Variants in RAD51B observed in about 807,000 individuals in gnomAD.
The protein encoded by RAD51B is DNA repair protein RAD51 homolog 2.
Under a neutral mutation model 42.2 loss-of-function variants are expected in RAD51B, and 38 were observed. That is an observed-to-expected ratio of 0.90 (90% CI 0.70 to 1.18). The LOEUF is 1.18. RAD51B is among the 50% of genes most tolerant of loss of function. The pLI, the probability that RAD51B is intolerant of heterozygous loss-of-function variation, is 0.00. For synonymous variants in RAD51B, 154 were observed against 145.2 expected (o/e 1.06, Z -0.43); for missense variants, 373 against 400.7 (o/e 0.93, Z 0.59).
chr14:67,987,880 T>G (rs1018672654), intron 7 of RAD51B, among the ~76,000 whole-genome samples: 1 of 152,190 alleles, frequency 6.6e-6, no homozygotes, highest in Non-Finnish European at 1.5e-5. Flanking sequence ...GCCAGTGTGG[T>G]TCAGCCAAAG....
chr14:68,631,492 C>T lies in RAD51B; in HGVS notation c.1037-19289C>T, dbSNP rs557984721. Reference sequence around the variant, plus strand: ...TGGGGAGTCACTACAGCTCGGAAGCCGGGGACAGGCCTTTAGTTAATGTGC... The same window carrying T: ...TGGGGAGTCACTACAGCTCGGAAGCTGGGGACAGGCCTTTAGTTAATGTGC... On this transcript the variant is annotated intron_variant, in intron 10 of 11. Coordinates refer to the RAD51B transcript ENST00000488612. Among the ~76,000 whole-genome samples, 4 of 152,140 alleles carry T rather than the reference C, an allele frequency of 2.6e-5. No individual in the cohort carries two copies. In the South Asian group the frequency reaches 6.2e-4, roughly 24 times the overall value.
intron 4 of RAD51B, among the ~76,000 whole-genome samples, chr14:67,861,426 T>C (rs1316873694): frequency 6.6e-6 from 1 of 151,010 alleles, no homozygotes; most frequent in African/African-American, 2.4e-5. Flanking sequence ...ATGGCTTGAG[T>C]CCTGGAGTTC....
At chr14:67,853,054 G>C (rs1001268992) in intron 4 of RAD51B, among the ~76,000 whole-genome samples, 8 of 152,180 alleles carry the variant, frequency 5.3e-5, no homozygotes, top group Non-Finnish European at 1.0e-4. Flanking sequence ...ACCCAAGAAG[G>C]ACTCAGGATG....
intron 7 of RAD51B, among the ~76,000 whole-genome samples, chr14:68,021,606 T>C (rs1419012374): frequency 4.6e-5 from 7 of 152,146 alleles, no homozygotes. Flanking sequence ...TTGACATTTG[T>C]CCCCCAACTC....
intron 8 of RAD51B, among the ~76,000 whole-genome samples, chr14:68,330,939 T>C (rs1179082609): frequency 6.6e-6 from 1 of 152,146 alleles, no homozygotes; most frequent in East Asian, 1.9e-4. Flanking sequence ...TGTGGCATAT[T>C]TCCTACTGCA....
chr14:68,503,333 C>G (rs942027183), intron 10 of RAD51B, among the ~76,000 whole-genome samples: 5 of 152,102 alleles, frequency 3.3e-5, no homozygotes, highest in Admixed American at 6.5e-5. Context: ...GTTTAACCGG[C>G]TGACATTCTT....
At chr14:68,620,806 A>G (rs887570007) in intron 10 of RAD51B, among the ~76,000 whole-genome samples, 2 of 152,178 alleles carry the variant, frequency 1.3e-5, no homozygotes, top group Non-Finnish European at 2.9e-5. Flanking sequence ...CTGGGATGGG[A>G]TTTGGAAAAA....
chr14:68,195,213 C>G (rs552975290), intron 7 of RAD51B, among the ~76,000 whole-genome samples: 1 of 152,158 alleles, frequency 6.6e-6, no homozygotes, highest in African/African-American at 2.4e-5. Flanking sequence ...CATCTTTACT[C>G]ATTTGTTCAC....
intron 7 of RAD51B, among the ~76,000 whole-genome samples, chr14:68,268,104 G>A (rs1356649814): frequency 6.6e-6 from 1 of 152,190 alleles, no homozygotes; most frequent in South Asian, 2.1e-4. Flanking sequence ...TCCTTGAGCA[G>A]CAGGAAGAGA....
chr14:67,920,762 A>C (rs1039499991), intron 7 of RAD51B, among the ~76,000 whole-genome samples: 1 of 152,168 alleles, frequency 6.6e-6, no homozygotes, highest in African/African-American at 2.4e-5. Flanking sequence ...TTAGGGCATC[A>C]TTCCCACCCT....
intron 10 of RAD51B, among the ~76,000 whole-genome samples, chr14:68,635,458 A>G (rs1892322965): frequency 6.6e-6 from 1 of 152,238 alleles, no homozygotes; most frequent in African/African-American, 2.4e-5. Flanking sequence ...TGCAAGCTAC[A>G]CGTGTCATTT....
intron 5 of RAD51B, among the ~76,000 whole-genome samples, chr14:67,878,938 T>C (rs1286634077): frequency 6.6e-6 from 1 of 152,340 alleles, no homozygotes; most frequent in Non-Finnish European, 1.5e-5. Flanking sequence ...GGTCTCGAAC[T>C]CCTGACCTCA....
chr14:68,188,343 T>C (rs1186697237), intron 7 of RAD51B, among the ~76,000 whole-genome samples: 6 of 149,676 alleles, frequency 4.0e-5, no homozygotes, highest in African/African-American at 1.5e-4. Flanking sequence ...CTCCCTTCTG[T>C]CCCTCCTCCC....
chr14:68,443,523 A>T (rs1486446663), intron 9 of RAD51B, among the ~76,000 whole-genome samples: 2 of 152,228 alleles, frequency 1.3e-5, no homozygotes, highest in African/African-American at 4.8e-5. Context: ...GACAAATGAG[A>T]GGAGGGTGAT....
At chr14:68,630,363 C>G (rs985869169) in intron 10 of RAD51B, among the ~76,000 whole-genome samples, 10 of 152,188 alleles carry the variant, frequency 6.6e-5, no homozygotes, top group Admixed American at 6.5e-4. Flanking sequence ...GCAGCCCGCT[C>G]TTTCTCCCCC....
intron 7 of RAD51B, among the ~76,000 whole-genome samples, chr14:68,153,770 C>T (rs551264264): frequency 1.3e-5 from 2 of 152,136 alleles, no homozygotes; most frequent in East Asian, 1.9e-4. Context: ...TTTGACTAGA[C>T]TTTGTATTCA....
chr14:68,594,601 T>A (rs1346591549), exon 11 of RAD51B: 3 of 1,291,530 alleles, frequency 2.3e-6, no homozygotes, highest in South Asian at 1.2e-5. Flanking sequence ...GCTAATTTTT[T>A]AATTTTTTGT....
intron 7 of RAD51B, among the ~76,000 whole-genome samples, chr14:68,050,774 C>G (rs2076380219): frequency 6.6e-6 from 1 of 152,116 alleles, no homozygotes; most frequent in African/African-American, 2.4e-5. Flanking sequence ...TTGCATTCAT[C>G]AAACCCATTT....
At chr14:67,882,930 A>G (rs1373901272) in intron 5 of RAD51B, among the ~76,000 whole-genome samples, 2 of 152,170 alleles carry the variant, frequency 1.3e-5, no homozygotes, top group East Asian at 3.9e-4. Flanking sequence ...TTTTTAGTAG[A>G]GACGGGGTTT....
Sources: allele counts gnomAD v4.1 joint callset (sites outside exome capture counted in the v4.1 genomes callset), GRCh38; gene constraint gnomAD v4.1.1; transcripts MANE v1.5; gene names NCBI Gene and HGNC (gene_info 2026-07-23, HGNC 2026-07-21).